XKR4: variants seen among roughly 807,000 people sequenced by gnomAD.
XKR4 encodes the protein XK related 4.
XKR4 carries 12 observed loss-of-function variants against 53.9 expected under a neutral mutation model. The ratio of observed to expected loss-of-function variants is 0.22; its 90% confidence interval spans 0.14 to 0.36. The LOEUF (loss-of-function observed/expected upper bound fraction) is 0.36. Among genes scored for constraint, XKR4 ranks in the 10% least tolerant of loss-of-function variants. The probability of loss-of-function intolerance (pLI) is 1.00; values close to 1 mark genes in which losing one functional copy is unlikely to be tolerated. For synonymous variants in XKR4, 354 were observed against 362.4 expected, an observed-to-expected ratio of 0.98 and a Z score of 0.26; for missense variants, 799 against 859.5, an observed-to-expected ratio of 0.93 and a Z score of 0.88.
intron 1 of XKR4, among the ~76,000 whole-genome samples, chr8:55,259,949 A>C (rs551230396): frequency 3.3e-5 from 5 of 151,458 alleles, no homozygotes; most frequent in African/African-American, 1.2e-4. Flanking sequence ...TTGTGTATAA[A>C]ACTTCCTGTG....
intron 1 of XKR4, among the ~76,000 whole-genome samples, chr8:55,163,840 G>A (rs961254717): frequency 7.9e-5 from 12 of 152,118 alleles, no homozygotes; most frequent in South Asian, 4.2e-4. Flanking sequence ...ACAAGACTCC[G>A]TCTCAAAAAT....
chr8:55,266,056 C>T (rs914990973), intron 1 of XKR4, among the ~76,000 whole-genome samples: 2 of 149,262 alleles, frequency 1.3e-5, no homozygotes, highest in African/African-American at 4.9e-5. Context: ...TACTTGAGGG[C>T]CTGAGGTGGG....
intron 1 of XKR4, among the ~76,000 whole-genome samples, chr8:55,104,064 C>T (rs1816103156): frequency 6.6e-6 from 1 of 151,920 alleles, no homozygotes; most frequent in Non-Finnish European, 1.5e-5. Flanking sequence ...TCGTTGGCTA[C>T]TTTGCTGCTT....
At chr8:55,321,136 C>G (rs1420868603) in intron 1 of XKR4, among the ~76,000 whole-genome samples, 1 of 152,148 alleles carries the variant, frequency 6.6e-6, no homozygotes, top group Non-Finnish European at 1.5e-5. Flanking sequence ...TATTTTTGGT[C>G]ATTGCCTCCT....
chr8:55,371,183 G>A (rs1804065456), intron 2 of XKR4, among the ~76,000 whole-genome samples: 1 of 151,402 alleles, frequency 6.6e-6, no homozygotes, highest in Non-Finnish European at 1.5e-5. Flanking sequence ...GAAAATAGTG[G>A]CTTTGAGCTG....
chr8:55,336,201 G>A (rs1307194836), intron 1 of XKR4, among the ~76,000 whole-genome samples: 9 of 152,018 alleles, frequency 5.9e-5, no homozygotes, highest in Non-Finnish European at 1.0e-4. Flanking sequence ...TTATGGGGGC[G>A]GGTCTTTTCT....
chr8:55,190,505 C>T (rs1817431816), intron 1 of XKR4, among the ~76,000 whole-genome samples: 1 of 152,206 alleles, frequency 6.6e-6, no homozygotes, highest in African/African-American at 2.4e-5. Flanking sequence ...AATGTACATT[C>T]CTGGGCCAAC....
At chr8:55,482,704 A>G (rs951656448) in intron 2 of XKR4, among the ~76,000 whole-genome samples, 5 of 152,176 alleles carry the variant, frequency 3.3e-5, no homozygotes, top group Non-Finnish European at 7.3e-5. Flanking sequence ...TGAACTTAGA[A>G]AGGAGTCCAA....
intron 2 of XKR4, among the ~76,000 whole-genome samples, chr8:55,362,433 A>G (rs1416954230): frequency 6.6e-6 from 1 of 152,196 alleles, no homozygotes; most frequent in Middle Eastern, 3.2e-3. Context: ...TGACTGAGAG[A>G]GAACCTGGTG....
At chr8:55,200,440 A>G (rs545273064) in intron 1 of XKR4, among the ~76,000 whole-genome samples, 4 of 152,362 alleles carry the variant, frequency 2.6e-5, no homozygotes, top group African/African-American at 9.6e-5. Flanking sequence ...TTACAAATAC[A>G]GTTACATATT....
intron 1 of XKR4, 87 bp from the exon 2 acceptor site, chr8:55,357,591 G>T: frequency 7.1e-7 from 1 of 1,407,816 alleles, no homozygotes; most frequent in Non-Finnish European, 9.9e-7. Context: ...CTTGCATATG[G>T]TGGCTTGCAG....
intron 1 of XKR4, among the ~76,000 whole-genome samples, chr8:55,190,750 C>CCAGCA (rs775648606): frequency 1.3e-5 from 2 of 152,126 alleles, no homozygotes; most frequent in Non-Finnish European, 2.9e-5. Flanking sequence ...GCGTTCTGGA[C>CCAGCA]CAGCAGCAAA....
intron 2 of XKR4, among the ~76,000 whole-genome samples, chr8:55,386,672 A>T (rs1411731706): frequency 6.6e-6 from 1 of 152,240 alleles, no homozygotes; most frequent in Non-Finnish European, 1.5e-5. Context: ...CGAAGAGGAG[A>T]TAAGTCTGCA....
chr8:55,259,371 T>C (rs1818484526), intron 1 of XKR4, among the ~76,000 whole-genome samples: 1 of 152,202 alleles, frequency 6.6e-6, no homozygotes, highest in South Asian at 2.1e-4. Context: ...ACAAACATGA[T>C]AGGAATGGCA....
intron 2 of XKR4, among the ~76,000 whole-genome samples, chr8:55,508,721 C>A (rs900538068): frequency 6.6e-6 from 1 of 152,134 alleles, no homozygotes; most frequent in Non-Finnish European, 1.5e-5. Flanking sequence ...TCTGGGGCAA[C>A]CCAAGGTGGG....
intron 2 of XKR4, among the ~76,000 whole-genome samples, chr8:55,506,937 T>A (rs1026857539): frequency 3.9e-5 from 6 of 152,196 alleles, no homozygotes; most frequent in Non-Finnish European, 8.8e-5. Flanking sequence ...CTCATTAAAT[T>A]TTTTTTTCAC....
chr8:55,472,915 A>C (rs573674076), intron 2 of XKR4, among the ~76,000 whole-genome samples: 4 of 152,186 alleles, frequency 2.6e-5, no homozygotes, highest in African/African-American at 9.6e-5. Flanking sequence ...TTAGTGAAAC[A>C]GGTCTTCTAA....
At chr8:55,327,761 A>G (rs779694077) in intron 1 of XKR4, among the ~76,000 whole-genome samples, 2 of 152,212 alleles carry the variant, frequency 1.3e-5, no homozygotes, top group Non-Finnish European at 2.9e-5. Context: ...TTAGCAAAAT[A>G]TCTGGGTAAA....
At chr8:55,244,897 ATTTT>A (rs148385384) in intron 1 of XKR4, among the ~76,000 whole-genome samples, 164 of 110,778 alleles carry the variant, frequency 1.5e-3, no homozygotes, top group Admixed American at 1.8e-3. Context: ...CTTTGCCAAC[ATTTT>A]TTTTTTTTTT....
Sources: allele counts gnomAD v4.1 joint callset (sites outside exome capture counted in the v4.1 genomes callset), GRCh38; gene constraint gnomAD v4.1.1; transcripts MANE v1.5; gene names NCBI Gene and HGNC (gene_info 2026-07-23, HGNC 2026-07-21).